The following ASIC4 variants were observed in gnomAD, a reference collection of about 807,000 sequenced individuals.
ASIC4 encodes acid sensing ion channel subunit family member 4.
Under a neutral mutation model 53.4 loss-of-function variants are expected in ASIC4, and 28 were observed. The observed-to-expected ratio is 0.52, with a 90% CI of 0.39 to 0.72. The LOEUF is 0.72. Ranked by LOEUF, ASIC4 falls within the 30% of genes least tolerant of loss-of-function variation. The pLI is 0.00. For synonymous variants in ASIC4, 289 were observed against 301.4 expected (o/e 0.96, Z 0.43); for missense variants, 649 against 729.7 (o/e 0.89, Z 1.27).
In ASIC4 at chr2:219,532,352, CAG is replaced by C; in HGVS notation, c.898_899del (p.Ser300Ter). 3 of 1,613,724 alleles carry C rather than the reference CAG, an allele frequency of 1.9e-6. No homozygotes were observed. The highest frequency in any genetic ancestry group is 2.5e-6 in the Non-Finnish European group (3 of 1,179,656). ...CCCCAGCCCTGGGGCAACTGCCGCG[CAG>C]AGAGTGAGCTCAGGGAGCCTGAGCT... On this transcript the variant is annotated frameshift_variant, in exon 4 of 10. Transcript: ENST00000358078. LOFTEE classifies it high-confidence loss of function.
upstream of ASIC4, among the ~76,000 whole-genome samples, chr2:219,511,232 T>C (rs1334305943): frequency 6.6e-6 from 1 of 152,056 alleles, no homozygotes; most frequent in Non-Finnish European, 1.5e-5. The surrounding 1 kb of genome is among the most constrained non-coding windows in gnomAD (Gnocchi z 5.3). Flanking sequence ...GTTCCTGTGC[T>C]TTGAGAAAGC....
intron 6 of ASIC4, 91 bp downstream of exon 6, chr2:219,535,415 G>A (rs1435768722): frequency 1.5e-6 from 2 of 1,368,502 alleles, no homozygotes; most frequent in East Asian, 5.1e-5. Context: ...GTACGTGTGT[G>A]TGAGTGTATG....
chr2:219,529,339 A>C (rs930306425), intron 1 of ASIC4, among the ~76,000 whole-genome samples: 1 of 152,144 alleles, frequency 6.6e-6, no homozygotes, highest in Admixed American at 6.5e-5. Context: ...AAGGACTTGA[A>C]TCTGGGAGCT....
rs530185414 is a variant in ASIC4, at chr2:219,536,462, C to T, written c.1230-604C>T. Reference sequence around the variant, plus strand: ...ATGCCACAATTTGTCAATGAGCCCACGTTTGATCATGTAGGACTGATTCTC... The same window carrying T: ...ATGCCACAATTTGTCAATGAGCCCATGTTTGATCATGTAGGACTGATTCTC... On this transcript the variant is annotated intron_variant, in intron 6 of 9. Transcript: ENST00000358078. This position sits in a 1 kb window ranked among gnomAD's most constrained non-coding sequence, Gnocchi z 4.6. 6.6e-6 allele frequency among the ~76,000 whole-genome samples: 1 copy of T among 152,126 alleles called. No homozygotes were observed. The highest frequency in any genetic ancestry group is 2.1e-4 in the South Asian group (1 of 4,824).
At chr2:219,510,539 C>A (rs976889309), upstream of ASIC4, among the ~76,000 whole-genome samples, 13 of 152,174 alleles carry the variant, frequency 8.5e-5, no homozygotes, top group African/African-American at 2.2e-4. This position sits in a 1 kb window ranked among gnomAD's most constrained non-coding sequence, Gnocchi z 5.2. Context: ...TAGTTTCTGG[C>A]CAGCCAGGAT....
chr2:219,515,745 T>C lies in ASIC4; in HGVS notation c.582+439T>C, dbSNP rs1694777696. ...AACGAAGGAGATAGGGAGGGGAGGT[T>C]TGGGGGGCTCCATCTAGGGAAGGAC... On this transcript the variant is annotated intron_variant, in intron 1 of 9. Transcript: ENST00000358078. Among the ~76,000 whole-genome samples, 5 of 152,088 alleles carry C rather than the reference T, an allele frequency of 3.3e-5. No homozygotes were observed. The South Asian group carries it at 1.0e-3, about 32-fold the overall frequency.
In ASIC4 at chr2:219,534,764, G is replaced by GCCATCCAT. The variant is rs56026817; in HGVS notation, c.1076-366_1076-359dup. Among the ~76,000 whole-genome samples the GCCATCCAT allele has an allele frequency of 3.1e-3, 469 of 151,092 alleles. 1 individual carries two copies. Among genetic ancestry groups the GCCATCCAT allele is most frequent in the African/African-American group, 9.5e-3 (388 of 40,982 alleles). ...CGCCCATCCGTCGATCTGGCCATCT[G>GCCATCCAT]CCATCCATCCATCCATCCATCCATC... is the stretch of plus-strand genomic sequence containing the variant. On this transcript the variant is annotated intron_variant, in intron 5 of 9. Transcript: ENST00000358078.
rs770338987 is a variant in ASIC4 at position 219,531,953 on chromosome 2, C to A, written c.728-48C>A. ...GCCACCTTGGGGACTGGGGCCTGGG[C>A]CCTCTGCCTGGGATGGGTTTCCAAA... On this transcript the variant is annotated intron_variant, in intron 2 of 9. Transcript: ENST00000358078. The A allele has an allele frequency of 3.0e-5, 49 of 1,612,692 alleles. No individual in the cohort carries two copies. In the South Asian group the frequency reaches 4.5e-4, roughly 15 times the overall value.
upstream of ASIC4, chr2:219,514,358 G>C (rs559702545): frequency 2.6e-6 from 4 of 1,546,946 alleles, no homozygotes; most frequent in Middle Eastern, 2.3e-4. Flanking sequence ...TGAGCGGAGC[G>C]GCTGGGGCTG....
chr2:219,532,956 C>G lies in ASIC4; in HGVS notation c.1075+17C>G. Reference sequence around the variant, plus strand: ...ACACACTGGGTCCGTGCTGCCTACCCTTTCCTACCTCTCCATCAGCCTCTT... The same window carrying G: ...ACACACTGGGTCCGTGCTGCCTACCGTTTCCTACCTCTCCATCAGCCTCTT... On this transcript the variant is annotated intron_variant, in intron 5 of 9. Coordinates refer to ENST00000358078, the MANE Select transcript of ASIC4 (RefSeq NM_018674.6). 1.2e-6 allele frequency: 2 copies of G among 1,612,296 alleles called. No homozygotes were observed. Among genetic ancestry groups the G allele is most frequent in the South Asian group, 1.1e-5 (1 of 91,038 alleles).
chr2:219,523,591 G>A (rs1488246051), intron 1 of ASIC4, among the ~76,000 whole-genome samples: 1 of 152,204 alleles, frequency 6.6e-6, no homozygotes, highest in Non-Finnish European at 1.5e-5. Context: ...TCTTTCTTGA[G>A]TGTGGCATTG....
At chr2:219,521,470 G>C (rs1272528077) in intron 1 of ASIC4, among the ~76,000 whole-genome samples, 2 of 152,244 alleles carry the variant, frequency 1.3e-5, no homozygotes, top group Non-Finnish European at 2.9e-5. Flanking sequence ...GCTCCCTCTT[G>C]TGGCTGGCGG....
At chr2:219,513,453 C>T (rs1274800103), upstream of ASIC4, among the ~76,000 whole-genome samples, 1 of 152,108 alleles carries the variant, frequency 6.6e-6, no homozygotes, top group African/African-American at 2.4e-5. Context: ...TAGGGCTCTC[C>T]TGCCCCACTC....
At chr2:219,530,804 G>A (rs1237629414) in intron 1 of ASIC4, among the ~76,000 whole-genome samples, 2 of 152,194 alleles carry the variant, frequency 1.3e-5, no homozygotes, top group African/African-American at 2.4e-5. Context: ...GGAGAGGCAG[G>A]CAAGGGCCAC....
At chr2:219,510,965 C>A (rs1694693712), upstream of ASIC4, among the ~76,000 whole-genome samples, 1 of 152,188 alleles carries the variant, frequency 6.6e-6, no homozygotes, top group African/African-American at 2.4e-5. This position sits in a 1 kb window ranked among gnomAD's most constrained non-coding sequence, Gnocchi z 5.2. Context: ...TTTGTCACCG[C>A]TGTGTGCTCA....
At chr2:219,526,132 A>C (rs192432018) in intron 1 of ASIC4, among the ~76,000 whole-genome samples, 4 of 152,270 alleles carry the variant, frequency 2.6e-5, no homozygotes, top group South Asian at 2.1e-4. Context: ...GGATGCAAGC[A>C]AGCCAGCCAG....
chr2:219,517,918 G>A lies in ASIC4; in HGVS notation c.582+2612G>A, dbSNP rs1027324594. On this transcript the variant is annotated intron_variant, in intron 1 of 9. Coordinates refer to ENST00000358078, the MANE Select transcript of ASIC4 (RefSeq NM_018674.6). This position sits in a 1 kb window ranked among gnomAD's most constrained non-coding sequence, Gnocchi z 4.2. ...CCTCCTTCCCACTCCCCACTCTGCT[G>A]TGACCTTTCCTCTGGAATCCAAGTT... 1.3e-5 allele frequency among the ~76,000 whole-genome samples: 2 copies of A among 152,088 alleles called. No individual in the cohort carries two copies. The highest frequency in any genetic ancestry group is 4.8e-5 in the African/African-American group (2 of 41,384).
At chr2:219,514,278 C>T, upstream of ASIC4, 11 of 1,468,686 alleles carry the variant, frequency 7.5e-6, no homozygotes, top group East Asian at 2.5e-5. Context: ...TCCTGACGCC[C>T]GTGCTGCCGG....
intron 1 of ASIC4, among the ~76,000 whole-genome samples, chr2:219,526,128 A>C (rs1381627466): frequency 6.6e-6 from 1 of 152,140 alleles, no homozygotes; most frequent in Non-Finnish European, 1.5e-5. Context: ...GGGAGGATGC[A>C]AGCAAGCCAG....
Sources: allele counts gnomAD v4.1 joint callset (sites outside exome capture counted in the v4.1 genomes callset), GRCh38; gene constraint gnomAD v4.1.1; non-coding constraint Gnocchi (gnomAD v3.1); transcripts MANE v1.5; gene names NCBI Gene and HGNC (gene_info 2026-07-23, HGNC 2026-07-21).